The following THADA variants were observed in gnomAD, a reference collection of about 807,000 sequenced individuals.
THADA encodes the protein tRNA (32-2'-O)-methyltransferase regulator THADA.
Under a neutral mutation model 219.8 loss-of-function variants are expected in THADA, and 213 were observed. That is an observed-to-expected ratio of 0.97 (90% CI 0.87 to 1.09). The LOEUF is 1.09. Among genes scored for constraint, THADA ranks in the 50% least tolerant of loss-of-function variants. The pLI is 0.00. For missense variants in THADA, 2,956 were observed against 2,311.3 expected (o/e 1.28, Z -5.72); for synonymous variants, 1,018 against 828.9 (o/e 1.23, Z -3.92).
intron 35 of THADA, among the ~76,000 whole-genome samples, chr2:43,282,276 T>G (rs1673450077): frequency 6.6e-6 from 1 of 152,156 alleles, no homozygotes; most frequent in South Asian, 2.1e-4. Flanking sequence ...TAAATCACAC[T>G]CACAGAAGGT....
intron 26 of THADA, chr2:43,430,719 T>C (rs946031084): frequency 8.9e-6 from 4 of 451,516 alleles, no homozygotes; most frequent in Non-Finnish European, 1.3e-5. Context: ...AATGACAGTT[T>C]GGACCAAATA....
chr2:43,465,139 A>G lies in THADA; in HGVS notation c.3836+20095T>C, dbSNP rs573329041. On this transcript the variant is annotated intron_variant, in intron 26 of 37. Transcript: ENST00000405975. ...CTCTACACTATGTAAAGCAATAGGA[A>G]CTATTCTCTAAATCTTGGTTTCTAA... 3.2e-4 allele frequency among the ~76,000 whole-genome samples: 48 copies of G among 152,320 alleles called. 1 individual carries two copies. The highest frequency in any genetic ancestry group is 1.2e-3 in the African/African-American group (48 of 41,574).
chr2:43,482,954 T>G (rs763165274), intron 26 of THADA, among the ~76,000 whole-genome samples: 31 of 152,124 alleles, frequency 2.0e-4, no homozygotes, highest in Non-Finnish European at 4.1e-4. Context: ...AAGTGCAAAG[T>G]GGATAAGGGG....
At chr2:43,519,948 AG>A in intron 22 of THADA, among the ~76,000 whole-genome samples, 1 of 152,336 alleles carries the variant, frequency 6.6e-6, no homozygotes, top group East Asian at 1.9e-4. Context: ...TTTATAAGGA[AG>A]TGATTTCAAA....
intron 22 of THADA, among the ~76,000 whole-genome samples, chr2:43,511,953 A>G (rs1299735199): frequency 6.6e-6 from 1 of 152,204 alleles, no homozygotes; most frequent in East Asian, 1.9e-4. Flanking sequence ...AGCTAGGTCA[A>G]GGCCCCAGAG....
chr2:43,460,238 T>TTA (rs1683465206), intron 26 of THADA, among the ~76,000 whole-genome samples: 1 of 63,514 alleles, frequency 1.6e-5, no homozygotes, highest in Admixed American at 2.2e-4. Context: ...TTTCTCTTAA[T>TTA]AAAAAAAAAA....
intron 22 of THADA, among the ~76,000 whole-genome samples, chr2:43,511,182 G>A (rs539819868): frequency 2.0e-5 from 3 of 152,182 alleles, no homozygotes; most frequent in South Asian, 2.1e-4. Context: ...GTCTAAGGTC[G>A]TCTCCTGTAG....
intron 22 of THADA, among the ~76,000 whole-genome samples, chr2:43,519,081 C>T (rs1049312675): frequency 1.3e-5 from 2 of 151,924 alleles, no homozygotes; most frequent in African/African-American, 2.4e-5. Context: ...CTTCTCATCA[C>T]CTAGGATAGA....
chr2:43,240,841 A>C (rs1668544521), intron 36 of THADA, among the ~76,000 whole-genome samples: 1 of 152,202 alleles, frequency 6.6e-6, no homozygotes, highest in Non-Finnish European at 1.5e-5. Flanking sequence ...TGAAAATTTA[A>C]AAAATTTCAT....
intron 29 of THADA, among the ~76,000 whole-genome samples, chr2:43,367,552 C>A (rs2104610647): frequency 6.6e-6 from 1 of 152,250 alleles, no homozygotes; most frequent in African/African-American, 2.4e-5. Context: ...CTGAGAAATC[C>A]ACTTTGACTT....
rs10495898 is a variant in THADA at position 43,372,197 on chromosome 2, C to A, written c.4227+25774G>T. The A allele has an allele frequency of 2.6e-5, 4 of 152,132 alleles. No homozygotes were observed. The East Asian group carries it at 5.8e-4, about 22-fold the overall frequency. 9.4% of individuals were successfully genotyped at this position (152,132 alleles called of 1,614,324 possible). On this transcript the variant is annotated intron_variant, in intron 29 of 37. Transcript: ENST00000405975. ...ACAAACTAACTGGGAAAAGACTAAT[C>A]TGAACACACGAGAAATCTATTCAAA...
intron 36 of THADA, among the ~76,000 whole-genome samples, chr2:43,272,623 C>CTTT (rs397871468): frequency 2.1e-4 from 25 of 120,260 alleles, no homozygotes; most frequent in South Asian, 2.8e-4. Context: ...TGGTTTTGTG[C>CTTT]TTTTTTTTTT....
In THADA at chr2:43,417,972, C is replaced by T. The variant is rs562378085; in HGVS notation, c.4058+10128G>A. 2.2e-4 allele frequency among the ~76,000 whole-genome samples: 33 copies of T among 152,220 alleles called. 1 individual carries two copies. Among genetic ancestry groups the T allele is most frequent in the South Asian group, 4.2e-4 (2 of 4,818 alleles). ...AAAATATTGCCTGGCTTATAGTAAA[C>T]ATTTGCTAATTATTATCATTTATCA... is the stretch of plus-strand genomic sequence containing the variant. On this transcript the variant is annotated intron_variant, in intron 28 of 37. Coordinates refer to ENST00000405975, the MANE Select transcript of THADA (RefSeq NM_022065.5).
At chr2:43,502,508 C>G (rs1689120920) in intron 24 of THADA, among the ~76,000 whole-genome samples, 1 of 149,490 alleles carries the variant, frequency 6.7e-6, no homozygotes, top group African/African-American at 2.5e-5. Flanking sequence ...TCGCTTGAAC[C>G]TGGAAGGCAG....
chr2:43,458,636 T>C (rs1683286929), intron 26 of THADA, among the ~76,000 whole-genome samples: 1 of 152,254 alleles, frequency 6.6e-6, no homozygotes, highest in Non-Finnish European at 1.5e-5. Context: ...AACATTTTCA[T>C]CCTAGCCTAC....
At chr2:43,375,757 G>C (rs1406103791) in intron 29 of THADA, among the ~76,000 whole-genome samples, 1 of 152,254 alleles carries the variant, frequency 6.6e-6, no homozygotes, top group South Asian at 2.1e-4. Context: ...TAAACCTCCT[G>C]AACTTCTATT....
At chr2:43,264,379 G>A (rs1294852729) in intron 36 of THADA, among the ~76,000 whole-genome samples, 2 of 151,280 alleles carry the variant, frequency 1.3e-5, no homozygotes, top group African/African-American at 4.9e-5. Flanking sequence ...TCCGCCTCTC[G>A]GGTTCAAGTG....
At chr2:43,269,478 C>A (rs1399980285) in intron 36 of THADA, among the ~76,000 whole-genome samples, 1 of 152,168 alleles carries the variant, frequency 6.6e-6, no homozygotes, top group East Asian at 1.9e-4. Context: ...CATTAGTTTG[C>A]ACCTGCTTTT....
intron 24 of THADA, among the ~76,000 whole-genome samples, chr2:43,499,562 A>G (rs1450344769): frequency 6.6e-6 from 1 of 152,056 alleles, no homozygotes; most frequent in Admixed American, 6.6e-5. Context: ...TAATTAGTAG[A>G]GACAGGGTTT....
Sources: gnomAD v4.1 joint callset for allele counts (sites outside exome capture counted in the v4.1 genomes callset) on GRCh38, gnomAD v4.1.1 for gene constraint, MANE v1.5 for transcripts, NCBI Gene and HGNC (gene_info 2026-07-23, HGNC 2026-07-21) for gene names.